USP6NL: variants seen among roughly 807,000 people sequenced by gnomAD.
USP6NL encodes USP6 N-terminal like.
Under a neutral mutation model 61.9 loss-of-function variants are expected in USP6NL, and 26 were observed. The ratio of observed to expected loss-of-function variants is 0.42; its 90% CI spans 0.31 to 0.58. USP6NL has a LOEUF of 0.58. USP6NL is among the 20% of genes least tolerant of loss of function. The probability of loss-of-function intolerance (pLI) is 0.16; values close to 1 mark genes in which losing one functional copy is unlikely to be tolerated. For missense variants in USP6NL, 1,114 were observed against 1,034.3 expected (o/e 1.08, Z -1.06); for synonymous variants, 432 against 390.1 (o/e 1.11, Z -1.27).
intron 2 of USP6NL, chr10:11,563,571 T>C (rs1180001964): frequency 6.6e-6 from 1 of 152,216 alleles, no homozygotes; most frequent in Non-Finnish European, 1.5e-5. Context: ...AAAAAGTACA[T>C]GGGATTTCTC....
chr10:11,569,056 C>CT (rs1837267610), intron 2 of USP6NL, among the ~76,000 whole-genome samples: 1 of 152,178 alleles, frequency 6.6e-6, no homozygotes, highest in African/African-American at 2.4e-5. Context: ...ATAGTATCTT[C>CT]TTTTTTGTCA....
At chr10:11,577,343 T>C (rs566725522) in intron 2 of USP6NL, among the ~76,000 whole-genome samples, 63 of 152,136 alleles carry the variant, frequency 4.1e-4, no homozygotes, top group Non-Finnish European at 7.8e-4. Context: ...GGATTACAGG[T>C]GTGAGCCACC....
chr10:11,578,229 A>G (rs1414827458), intron 2 of USP6NL, among the ~76,000 whole-genome samples: 1 of 152,152 alleles, frequency 6.6e-6, no homozygotes, highest in Non-Finnish European at 1.5e-5. Context: ...TCAGCCTCCC[A>G]AAGAGCTGGG....
At position 11,562,261 on chromosome 10, in the gene USP6NL, CAAAAAA is replaced by C; in HGVS notation, c.5-34700_5-34695del. 1 of 329,614 alleles carries C rather than the reference CAAAAAA, an allele frequency of 3.0e-6. No homozygotes were observed. The highest frequency in any genetic ancestry group is 3.9e-6 in the Non-Finnish European group (1 of 253,888). The allele number at this position is 329,614 out of a possible 1,614,324, so 20.4% of individuals were successfully genotyped here. ...TGGCGGACAGTGCAAGACTCCATCT[CAAAAAA>C]AAAAAAAAAAAATTGCATTCCCAGG... On this transcript the variant is annotated intron_variant, in intron 2 of 14. Transcript: ENST00000609104. This position sits in a 1 kb window ranked among gnomAD's most constrained non-coding sequence, Gnocchi z 4.8.
intron 2 of USP6NL, among the ~76,000 whole-genome samples, chr10:11,558,898 A>G (rs185898887): frequency 1.1e-4 from 16 of 152,300 alleles, no homozygotes; most frequent in African/African-American, 3.8e-4. Context: ...TAATATTAGT[A>G]CATATTTGGT....
At position 11,461,866 on chromosome 10, in the gene USP6NL, G is replaced by A. The variant is rs573467431; in HGVS notation, c.*575C>T. ...CAGGACAAACTCTTCAGTCAGTTTA[G>A]GACCCAGGTTACAAATATATGAGAG... On this transcript the variant is annotated 3_prime_UTR_variant, in exon 15 of 15. Transcript: ENST00000609104. The A allele has an allele frequency of 7.2e-5, 11 of 152,606 alleles. No individual in the cohort carries two copies. In the East Asian group the frequency reaches 1.9e-3, roughly 27 times the overall value. The allele number at this position is 152,606 out of a possible 1,614,324, so 9.5% of individuals were successfully genotyped here.
intron 2 of USP6NL, among the ~76,000 whole-genome samples, chr10:11,568,207 CAT>C (rs1837236566): frequency 6.6e-6 from 1 of 151,858 alleles, no homozygotes; most frequent in Non-Finnish European, 1.5e-5. Flanking sequence ...AAAGAGTAAA[CAT>C]AGGGAGGCAT....
chr10:11,524,747 TG>T (rs1307450070), intron 4 of USP6NL, among the ~76,000 whole-genome samples: 1 of 152,164 alleles, frequency 6.6e-6, no homozygotes, highest in Admixed American at 6.6e-5. Flanking sequence ...TTAAATTGCA[TG>T]GAACTAAAGT....
At chr10:11,571,833 A>G (rs1837375028) in intron 2 of USP6NL, among the ~76,000 whole-genome samples, 1 of 151,486 alleles carries the variant, frequency 6.6e-6, no homozygotes, top group Admixed American at 6.6e-5. Flanking sequence ...GCAAGCTTCT[A>G]AGAAAAAAAT....
rs1436184378 is a variant in USP6NL, at chr10:11,511,503, A to G, written c.196-1828T>C. Among the ~76,000 whole-genome samples, 1 of 152,156 alleles carries G rather than the reference A, an allele frequency of 6.6e-6. No individual in the cohort carries two copies. Among genetic ancestry groups the G allele is most frequent in the Non-Finnish European group, 1.5e-5 (1 of 68,004 alleles). ...CAAAGCATAATCCTTTTTTCCACCAACAGGAAAACACCAAATAATTCAAGC... is the reference window on the plus strand; with the variant it reads ...CAAAGCATAATCCTTTTTTCCACCAGCAGGAAAACACCAAATAATTCAAGC... On this transcript the variant is annotated intron_variant, in intron 5 of 14. Coordinates refer to ENST00000609104, the MANE Select transcript of USP6NL (RefSeq NM_014688.5). The surrounding 1 kb of genome is among the most constrained non-coding windows in gnomAD (Gnocchi z 4.9).
At chr10:11,559,476 A>G (rs1404311844) in intron 2 of USP6NL, among the ~76,000 whole-genome samples, 1 of 152,220 alleles carries the variant, frequency 6.6e-6, no homozygotes, top group African/African-American at 2.4e-5. Context: ...CTAGTAAGAC[A>G]GTACAGCTTG....
At chr10:11,543,994 G>A (rs1836173256) in intron 2 of USP6NL, among the ~76,000 whole-genome samples, 1 of 151,752 alleles carries the variant, frequency 6.6e-6, no homozygotes, top group Non-Finnish European at 1.5e-5. Flanking sequence ...TGTATTTTTA[G>A]TAGAGACAGA....
intron 2 of USP6NL, among the ~76,000 whole-genome samples, chr10:11,558,941 T>C (rs1344276214): frequency 6.6e-6 from 1 of 152,162 alleles, no homozygotes. Flanking sequence ...GATCAACTAC[T>C]AACAATTTTT....
intron 14 of USP6NL, among the ~76,000 whole-genome samples, chr10:11,475,084 T>G (rs1353672624): frequency 6.6e-6 from 1 of 152,194 alleles, no homozygotes; most frequent in African/African-American, 2.4e-5. Flanking sequence ...AACATAGGCT[T>G]TCTAACCAGA....
In USP6NL at chr10:11,511,550, T is replaced by C. The variant is rs942734724; in HGVS notation, c.196-1875A>G. On this transcript the variant is annotated intron_variant, in intron 5 of 14. Coordinates refer to ENST00000609104, the MANE Select transcript of USP6NL (RefSeq NM_014688.5). The surrounding 1 kb of genome is among the most constrained non-coding windows in gnomAD (Gnocchi z 4.9). ...AAGCCAACCCAAGAGTATAACAACA[T>C]ACACTTTGCCAGGAACAACCCTGCT... 6.6e-6 allele frequency among the ~76,000 whole-genome samples: 1 copy of C among 152,160 alleles called. No individual in the cohort carries two copies. The highest frequency in any genetic ancestry group is 6.5e-5 in the Admixed American group (1 of 15,272).
intron 4 of USP6NL, among the ~76,000 whole-genome samples, chr10:11,522,196 T>C (rs1390518632): frequency 1.3e-5 from 2 of 152,266 alleles, no homozygotes; most frequent in South Asian, 2.1e-4. Flanking sequence ...TAATAACAGG[T>C]AATTTAAGTT....
Position 11,462,572 on chromosome 10 carries a change from C to A in USP6NL, c.2356G>T (p.Val786Leu), listed in dbSNP as rs781713312. 2.5e-6 allele frequency: 4 copies of A among 1,613,826 alleles called. No homozygotes were observed. Among genetic ancestry groups the A allele is most frequent in the South Asian group, 1.1e-5 (1 of 91,082 alleles). ...GLPAVSVDSP[V>L]RYKASPAAED... ...GCGGCCGGTGAAGCTTTATATCTCA[C>A]GGGACTATCTACAGAAACTGCAGGG... Residue 786 changes from valine (V) to leucine (L), a missense_variant, in exon 15 of 15, where the codon GTG (valine) becomes TTG (leucine). Physicochemically the swap from Val to Leu is conservative, Grantham distance 32. Transcript: ENST00000609104.
At chr10:11,557,222 TAG>T (rs1243736147) in intron 2 of USP6NL, among the ~76,000 whole-genome samples, 1 of 152,136 alleles carries the variant, frequency 6.6e-6, no homozygotes, top group African/African-American at 2.4e-5. Flanking sequence ...TTCAACATAT[TAG>T]AGAGAGAACT....
At chr10:11,569,854 C>T (rs1837296374) in intron 2 of USP6NL, among the ~76,000 whole-genome samples, 1 of 152,184 alleles carries the variant, frequency 6.6e-6, no homozygotes. Context: ...AATGATCATG[C>T]TTCTTCTCGC....
Sources: allele counts gnomAD v4.1 joint callset (sites outside exome capture counted in the v4.1 genomes callset), GRCh38; gene constraint gnomAD v4.1.1; non-coding constraint Gnocchi (gnomAD v3.1); transcripts MANE v1.5; gene names NCBI Gene and HGNC (gene_info 2026-07-23, HGNC 2026-07-21).